The following PBLD variants were observed in gnomAD, a reference collection of about 807,000 sequenced individuals.
PBLD encodes the protein phenazine biosynthesis-like domain-containing protein.
PBLD carries 26 observed loss-of-function variants against 31.3 expected under a neutral mutation model. The observed-to-expected ratio is 0.83, with a 90% confidence interval of 0.61 to 1.15. The LOEUF is 1.15. Ranked by LOEUF, PBLD falls within the 50% of genes most tolerant of loss-of-function variation. The probability of loss-of-function intolerance (pLI) is 0.00; values close to 1 mark genes in which losing one functional copy is unlikely to be tolerated. For synonymous variants in PBLD, 114 were observed against 129.0 expected, an observed-to-expected ratio of 0.88 and a Z score of 0.79; for missense variants, 307 against 351.7, an observed-to-expected ratio of 0.87 and a Z score of 1.02.
rs577657922 is a variant in PBLD, at chr10:68,323,234, T to C, written c.-60+9550A>G. ...TACCCTAGTTGACCCTTGAGATAAC[T>C]GAAGCTCCAGCTGACATTTTAATTA... On this transcript the variant is annotated intron_variant, in intron 1 of 9. Coordinates refer to ENST00000358769, the MANE Select transcript of PBLD (RefSeq NM_022129.4). Among the ~76,000 whole-genome samples, 4 of 152,148 alleles carry C rather than the reference T, an allele frequency of 2.6e-5. No homozygotes were observed. In the South Asian group the frequency reaches 8.3e-4, roughly 32 times the overall value.
At chr10:68,326,857 G>A (rs545188574) in intron 1 of PBLD, among the ~76,000 whole-genome samples, 24 of 152,082 alleles carry the variant, frequency 1.6e-4, no homozygotes, top group Non-Finnish European at 3.1e-4. Flanking sequence ...GACCATCCTG[G>A]CCAACATGGT....
At chr10:68,328,257 AC>A (rs1397213140) in intron 1 of PBLD, among the ~76,000 whole-genome samples, 2 of 152,224 alleles carry the variant, frequency 1.3e-5, no homozygotes, top group Non-Finnish European at 2.9e-5. Context: ...TTTGCTTTTT[AC>A]ATAGGCAAAA....
chr10:68,311,096 C>A (rs1329768231), intron 1 of PBLD, among the ~76,000 whole-genome samples: 1 of 152,072 alleles, frequency 6.6e-6, no homozygotes, highest in Non-Finnish European at 1.5e-5. Context: ...GGGTACACAC[C>A]ATTAACGTAC....
intron 1 of PBLD, among the ~76,000 whole-genome samples, chr10:68,330,721 T>C (rs2045038370): frequency 6.1e-5 from 3 of 49,070 alleles, no homozygotes; most frequent in African/African-American, 2.2e-4. Context: ...TGTGTGTGTG[T>C]GTGTGTGTGT....
intron 1 of PBLD, among the ~76,000 whole-genome samples, chr10:68,321,991 T>G (rs1032327232): frequency 6.6e-6 from 1 of 152,188 alleles, no homozygotes; most frequent in Non-Finnish European, 1.5e-5. Context: ...ACCCTGAGTA[T>G]GGGCTGCTCT....
chr10:68,303,198 C>A (rs923251863), intron 2 of PBLD, among the ~76,000 whole-genome samples: 1 of 151,794 alleles, frequency 6.6e-6, no homozygotes. Flanking sequence ...CTCAGCCTAC[C>A]GAGTAGCTGG....
At chr10:68,285,991 C>T (rs2044282514) in intron 8 of PBLD, among the ~76,000 whole-genome samples, 1 of 151,808 alleles carries the variant, frequency 6.6e-6, no homozygotes. Flanking sequence ...CTTACAGTCT[C>T]CTAAGGCTGA....
At chr10:68,322,538 C>T (rs1316367077) in intron 1 of PBLD, among the ~76,000 whole-genome samples, 1 of 151,242 alleles carries the variant, frequency 6.6e-6, no homozygotes, top group Non-Finnish European at 1.5e-5. Flanking sequence ...GTGGCACACA[C>T]CTGTAGTCCC....
chr10:68,286,873 G>GTGGTGGCTCCACACCCATAA (rs71009035), intron 8 of PBLD, among the ~76,000 whole-genome samples: 14 of 151,646 alleles, frequency 9.2e-5, no homozygotes, highest in African/African-American at 2.9e-4. Flanking sequence ...TGGGGTGGGC[G>GTGGTGGCTCCACACCCATAA]TCCCAGCACT....
At chr10:68,290,081 A>ATT (rs34854456) in intron 6 of PBLD, among the ~76,000 whole-genome samples, 1 of 151,768 alleles carries the variant, frequency 6.6e-6, no homozygotes, top group African/African-American at 2.4e-5. Context: ...GGCTTGGGGC[A>ATT]GAGGGGGATT....
chr10:68,289,459 C>A (rs1564724608), intron 6 of PBLD, among the ~76,000 whole-genome samples: 3 of 152,036 alleles, frequency 2.0e-5, no homozygotes, highest in South Asian at 2.1e-4. Flanking sequence ...CCTGGTGAAC[C>A]AAGAATCACT....
intron 3 of PBLD, 114 bp downstream of exon 3, chr10:68,296,772 G>A: frequency 1.1e-6 from 1 of 907,148 alleles, no homozygotes; most frequent in Middle Eastern, 2.5e-4. Context: ...GGGAGGCTGA[G>A]GCACAATAAT....
chr10:68,328,321 G>C (rs910761878), intron 1 of PBLD, among the ~76,000 whole-genome samples: 1 of 152,168 alleles, frequency 6.6e-6, no homozygotes, highest in Non-Finnish European at 1.5e-5. Context: ...GGGGATATGT[G>C]AACAAATATC....
intron 1 of PBLD, among the ~76,000 whole-genome samples, chr10:68,313,384 C>G (rs2044696433): frequency 6.6e-6 from 1 of 152,084 alleles, no homozygotes; most frequent in Non-Finnish European, 1.5e-5. Flanking sequence ...CTGAAGAAAA[C>G]TAACCTCTAA....
chr10:68,316,016 A>C (rs1420867598), intron 1 of PBLD, among the ~76,000 whole-genome samples: 1 of 152,190 alleles, frequency 6.6e-6, no homozygotes, highest in Admixed American at 6.6e-5. Context: ...GGAGAATCTG[A>C]TTTCCAGAGG....
chr10:68,324,760 A>T (rs1291676194), intron 1 of PBLD, among the ~76,000 whole-genome samples: 1 of 151,650 alleles, frequency 6.6e-6, no homozygotes, highest in African/African-American at 2.4e-5. Flanking sequence ...GATTACAGGC[A>T]TGTGCCACTA....
At chr10:68,318,990 G>A (rs2044776841) in intron 1 of PBLD, among the ~76,000 whole-genome samples, 1 of 145,582 alleles carries the variant, frequency 6.9e-6, no homozygotes, top group Admixed American at 7.2e-5. Context: ...AAGGAAGTTA[G>A]GAAAGAAAGA....
intron 2 of PBLD, among the ~76,000 whole-genome samples, chr10:68,303,029 T>TC (rs2044525765): frequency 2.0e-5 from 3 of 150,216 alleles, no homozygotes; most frequent in Non-Finnish European, 4.4e-5. Context: ...GTCAAACGGA[T>TC]TGTCAGGCAT....
At chr10:68,294,759 G>A (rs942291693) in intron 4 of PBLD, among the ~76,000 whole-genome samples, 3 of 151,992 alleles carry the variant, frequency 2.0e-5, no homozygotes, top group African/African-American at 4.8e-5. Flanking sequence ...GTGGAGTCTC[G>A]CTCTGTCGCC....
Sources: gnomAD v4.1 joint callset for allele counts (sites outside exome capture counted in the v4.1 genomes callset) on GRCh38, gnomAD v4.1.1 for gene constraint, MANE v1.5 for transcripts, NCBI Gene and HGNC (gene_info 2026-07-23, HGNC 2026-07-21) for gene names.